Variants in RYR3 observed in about 807,000 individuals in gnomAD.
RYR3 encodes the protein brain ryanodine receptor-calcium release channel.
RYR3 carries 207 observed loss-of-function variants against 584.3 expected under a neutral mutation model. That is an observed-to-expected ratio of 0.35 (90% CI 0.32 to 0.40). The LOEUF (loss-of-function observed/expected upper bound fraction) is 0.40, where lower values mean the gene tolerates loss of function less well. RYR3 is among the 10% of genes least tolerant of loss of function. The pLI, the probability that RYR3 is intolerant of heterozygous loss-of-function variation, is 1.00. For missense variants in RYR3, 5,616 were observed against 6,089.2 expected (o/e 0.92, Z 2.59); for synonymous variants, 2,416 against 2,248.5 (o/e 1.07, Z -2.11).
intron 3 of RYR3, among the ~76,000 whole-genome samples, chr15:33,515,190 G>A (rs1371393561): frequency 2.0e-5 from 3 of 152,172 alleles, no homozygotes; most frequent in Non-Finnish European, 4.4e-5. Context: ...ATTGTGAGTC[G>A]ATGAAATAGA....
At chr15:33,362,131 C>G (rs1595855177) in intron 1 of RYR3, among the ~76,000 whole-genome samples, 1 of 152,164 alleles carries the variant, frequency 6.6e-6, no homozygotes, top group East Asian at 1.9e-4. Flanking sequence ...ACCCTTGCCC[C>G]CTGCGGTGTG....
intron 16 of RYR3, among the ~76,000 whole-genome samples, chr15:33,594,469 ACT>A (rs1356749285): frequency 6.6e-6 from 1 of 152,212 alleles, no homozygotes; most frequent in African/African-American, 2.4e-5. Context: ...GGTTTTCTTA[ACT>A]CTGTAAAACA....
intron 1 of RYR3, chr15:33,465,638 C>T: frequency 2.0e-6 from 1 of 489,780 alleles, no homozygotes; most frequent in South Asian, 1.5e-5. Flanking sequence ...TGAAATGATG[C>T]GATCTCAGGT....
chr15:33,389,619 C>G (rs1170868553), intron 1 of RYR3, among the ~76,000 whole-genome samples: 1 of 152,120 alleles, frequency 6.6e-6, no homozygotes, highest in African/African-American at 2.4e-5. Flanking sequence ...ACAATTATGA[C>G]ATCTATGGAA....
chr15:33,771,168 C>T (rs978171240), intron 62 of RYR3, among the ~76,000 whole-genome samples: 13 of 152,224 alleles, frequency 8.5e-5, no homozygotes, highest in Non-Finnish European at 1.3e-4. Context: ...CTTCTGTTGA[C>T]TTATTTCCTT....
At chr15:33,525,593 A>C (rs1420984789) in intron 3 of RYR3, among the ~76,000 whole-genome samples, 1 of 152,182 alleles carries the variant, frequency 6.6e-6, no homozygotes. Flanking sequence ...GAGGTTTTGT[A>C]GTTTGATTTT....
At chr15:33,623,365 G>A (rs1237918418) in intron 19 of RYR3, among the ~76,000 whole-genome samples, 1 of 152,136 alleles carries the variant, frequency 6.6e-6, no homozygotes, top group Admixed American at 6.5e-5. Context: ...TCTCCATATA[G>A]TTACGTCATG....
intron 1 of RYR3, among the ~76,000 whole-genome samples, chr15:33,334,359 G>A (rs1970709752): frequency 6.6e-6 from 1 of 152,142 alleles, no homozygotes; most frequent in Non-Finnish European, 1.5e-5. Flanking sequence ...ACAGAATAGA[G>A]AACGCAGAAA....
rs1234836037 is a variant in RYR3, at chr15:33,662,024, A to G, written c.4623-129A>G. 35 of 680,218 alleles carry G rather than the reference A, an allele frequency of 5.1e-5. No individual in the cohort carries two copies. In the South Asian group the frequency reaches 6.1e-4, roughly 12 times the overall value. 42.1% of individuals were successfully genotyped at this position (680,218 alleles called of 1,614,324 possible). ...AGAGCTGAGAGAGGCATGATAAGCC[A>G]TAAGAGAAACTGTGGCAGAGACCCC... On this transcript the variant is annotated intron_variant, in intron 34 of 103. Transcript: ENST00000634891.
chr15:33,429,459 G>A (rs1392176406), intron 1 of RYR3, among the ~76,000 whole-genome samples: 2 of 152,238 alleles, frequency 1.3e-5, no homozygotes, highest in East Asian at 3.8e-4. Context: ...AAAGCTGAAG[G>A]ATTCCTCTTT....
chr15:33,864,013 A>C, intron 102 of RYR3, 125 bp from the exon 103 acceptor site: 1 of 639,972 alleles, frequency 1.6e-6, no homozygotes, highest in African/African-American at 1.8e-5. Context: ...CACTTCCCTG[A>C]TCATTTAAGT....
At chr15:33,858,952 A>G (rs2080032370) in intron 99 of RYR3, 1 of 152,770 alleles carries the variant, frequency 6.5e-6, no homozygotes, top group Non-Finnish European at 1.5e-5. Context: ...GAGTACTGGC[A>G]TGACCAGCGT....
chr15:33,856,196 CTCTT>C (rs2079640396), intron 98 of RYR3: 1 of 152,286 alleles, frequency 6.6e-6, no homozygotes, highest in South Asian at 2.1e-4. Flanking sequence ...CAAGTTCTTT[CTCTT>C]TTTTTTCCTA....
chr15:33,482,332 A>G (rs1670432755), intron 2 of RYR3, among the ~76,000 whole-genome samples: 1 of 152,068 alleles, frequency 6.6e-6, no homozygotes, highest in Non-Finnish European at 1.5e-5. Flanking sequence ...TCATTCTTCT[A>G]TATGTAACAA....
At chr15:33,740,966 C>A (rs1338181028) in intron 51 of RYR3, among the ~76,000 whole-genome samples, 1 of 152,142 alleles carries the variant, frequency 6.6e-6, no homozygotes, top group Non-Finnish European at 1.5e-5. Flanking sequence ...CAAGCTTGGG[C>A]CAAAGAAGGC....
At chr15:33,578,041 A>C (rs2058389027) in intron 12 of RYR3, among the ~76,000 whole-genome samples, 1 of 152,252 alleles carries the variant, frequency 6.6e-6, no homozygotes, top group Non-Finnish European at 1.5e-5. Context: ...AGAGAAATGC[A>C]AGTCAAAACC....
chr15:33,700,265 A>G (rs1410570061), intron 41 of RYR3, among the ~76,000 whole-genome samples: 1 of 152,096 alleles, frequency 6.6e-6, no homozygotes, highest in African/African-American at 2.4e-5. Context: ...CTGTCCATCA[A>G]CCTCCCAGCA....
chr15:33,602,905 C>A (rs772344352), intron 17 of RYR3, among the ~76,000 whole-genome samples: 4 of 151,904 alleles, frequency 2.6e-5, no homozygotes, highest in Non-Finnish European at 5.9e-5. Flanking sequence ...ACCACCATAC[C>A]CAGCTAATTT....
intron 69 of RYR3, among the ~76,000 whole-genome samples, chr15:33,803,416 C>T (rs2076019490): frequency 6.6e-6 from 1 of 152,242 alleles, no homozygotes; most frequent in Non-Finnish European, 1.5e-5. Context: ...GCTAGCTTAT[C>T]TTAAGTTGCC....
Sources: gnomAD v4.1 joint callset for allele counts (sites outside exome capture counted in the v4.1 genomes callset) on GRCh38, gnomAD v4.1.1 for gene constraint, MANE v1.5 for transcripts, NCBI Gene and HGNC (gene_info 2026-07-23, HGNC 2026-07-21) for gene names.